MCM5: variants seen among roughly 807,000 people sequenced by gnomAD.
The protein encoded by MCM5 is DNA replication licensing factor MCM5.
A neutral mutation model predicts 79.9 loss-of-function variants in MCM5; 46 were observed. That is an observed-to-expected ratio of 0.58 (90% CI 0.45 to 0.74). The LOEUF (loss-of-function observed/expected upper bound fraction) is 0.74. MCM5 is among the 30% of genes least tolerant of loss of function. The pLI is 0.00. For missense variants in MCM5, 883 were observed against 1,017.0 expected (o/e 0.87, Z 1.79); for synonymous variants, 404 against 390.5 (o/e 1.03, Z -0.41).
Position 35,416,798 on chromosome 22 carries a change from A to G in MCM5, c.1574A>G (p.Asn525Ser), listed in dbSNP as rs1483276194. The change falls in exon 12 of 17, where the codon AAT (asparagine) becomes AGT (serine). Residue 525 changes from asparagine (N) to serine (S), a missense_variant. By Grantham distance (46) the Asn-to-Ser change is conservative. Transcript: ENST00000216122. ...DMIFIVKDEH[N>S]EERDVMLAKH... The stretch of plus-strand genomic sequence containing the variant: ...ATCTTCATCGTCAAGGATGAGCACA[A>G]TGAGGAGAGGGATGTGGTACGTCCA... The G allele has an allele frequency of 1.9e-6, 3 of 1,613,884 alleles. No homozygotes were observed. The highest frequency in any genetic ancestry group is 1.1e-5 in the South Asian group (1 of 91,068).
chr22:35,412,106 C>T (rs1016295576), intron 7 of MCM5, among the ~76,000 whole-genome samples: 1 of 152,236 alleles, frequency 6.6e-6, no homozygotes, highest in African/African-American at 2.4e-5. Flanking sequence ...TCAGCCCTCC[C>T]TGGATCACCG....
At position 35,401,348 on chromosome 22, in the gene MCM5, G is replaced by A. The variant is rs199736017; in HGVS notation, c.167+743G>A. The A allele has an allele frequency of 1.6e-3, 747 of 467,144 alleles. 1 individual carries two copies. The highest frequency in any genetic ancestry group is 2.8e-3 in the Non-Finnish European group (635 of 223,816). The allele number at this position is 467,144 out of a possible 1,614,324, so 28.9% of individuals were successfully genotyped here. A position where few individuals can be genotyped will look rare whatever the true frequency, so the allele number is the denominator to read the frequency against. Reference sequence around the variant, plus strand: ...TGGCAGTTAGGATTCACTTCACTTCGCTCATTCATTTATTTATACCAGTCT... The same window carrying A: ...TGGCAGTTAGGATTCACTTCACTTCACTCATTCATTTATTTATACCAGTCT... On this transcript the variant is annotated intron_variant, in intron 2 of 16. Coordinates refer to ENST00000216122, the MANE Select transcript of MCM5 (RefSeq NM_006739.4).
At chr22:35,451,623 T>G in the MCM5 span, among the ~76,000 whole-genome samples, 3,848 of 152,286 alleles carry the variant, frequency 0.025, 113 homozygotes, top group East Asian at 0.1. Context: ...ACCCAGGGGT[T>G]GGGTTTCTCT....
intron 10 of MCM5, 107 bp downstream of exon 10, chr22:35,416,079 C>T (rs1263972376): frequency 7.2e-7 from 1 of 1,396,208 alleles, no homozygotes; most frequent in East Asian, 2.3e-5. Flanking sequence ...GACATGTTTT[C>T]AATCCCTGGG....
chr22:35,410,707 C>T lies in MCM5; in HGVS notation c.753-37C>T, dbSNP rs140788801. On this transcript the variant is annotated intron_variant, in intron 6 of 16. Coordinates refer to ENST00000216122, the MANE Select transcript of MCM5 (RefSeq NM_006739.4). Reference sequence around the variant, plus strand: ...AGAGACTTGCTGTCCAAGTCAGAATCTCAGCTTTTCTCCTTTCTCCTCTAC... The same window carrying T: ...AGAGACTTGCTGTCCAAGTCAGAATTTCAGCTTTTCTCCTTTCTCCTCTAC... The T allele has an allele frequency of 6.2e-4, 996 of 1,601,560 alleles. 12 individuals are homozygous for T. The African/African-American group carries it at 0.012, about 19-fold the overall frequency.
the MCM5 span, among the ~76,000 whole-genome samples, chr22:35,448,829 A>G: frequency 6.6e-6 from 1 of 152,222 alleles, no homozygotes; most frequent in Admixed American, 6.5e-5. Flanking sequence ...GCTTAGCTCC[A>G]GGGCTGCTTC....
chr22:35,400,361 C>T, intron 1 of MCM5, 70 bp from the exon 2 acceptor site: 1 of 1,574,410 alleles, frequency 6.4e-7, no homozygotes, highest in Non-Finnish European at 8.7e-7. Flanking sequence ...GGGCAGGGAC[C>T]CAGGCGTCGG....
the MCM5 span, among the ~76,000 whole-genome samples, chr22:35,435,516 C>T: frequency 6.6e-6 from 1 of 152,208 alleles, no homozygotes; most frequent in Non-Finnish European, 1.5e-5. Context: ...AACAACTCCC[C>T]CGTTGCTATG....
the MCM5 span, among the ~76,000 whole-genome samples, chr22:35,446,950 C>T: frequency 8.5e-5 from 13 of 152,224 alleles, no homozygotes; most frequent in African/African-American, 2.4e-4. Context: ...GAGCCAAGCC[C>T]TCCGGGGGCC....
intron 4 of MCM5, among the ~76,000 whole-genome samples, chr22:35,405,183 G>A (rs1601752265): frequency 1.3e-5 from 2 of 151,546 alleles, no homozygotes; most frequent in African/African-American, 4.9e-5. Context: ...ACACCACCAC[G>A]CCCGGCTAAT....
the MCM5 span, among the ~76,000 whole-genome samples, chr22:35,451,418 T>C: frequency 2.0e-5 from 3 of 152,374 alleles, no homozygotes; most frequent in South Asian, 6.2e-4. Context: ...CAACGCAAGC[T>C]GCGCGTTCAT....
At position 35,403,244 on chromosome 22, in the gene MCM5, T is replaced by A. The variant is rs774927495; in HGVS notation, c.205T>A (p.Trp69Arg). The change falls in exon 3 of 17, where the codon TGG becomes AGG. Residue 69 changes from tryptophan (W) to arginine (R), a missense_variant. Around this residue, in one of 3 missense-constraint regions of MCM5, gnomAD observed 455 missense variants for 517.5 expected, o/e 0.88. Coordinates refer to ENST00000216122, the MANE Select transcript of MCM5 (RefSeq NM_006739.4). ...GCGGCATTACAACCTGGGGGAGTACTGGATTGAGGTGGAGATGGAGGATCT... is the reference window on the plus strand; with the variant it reads ...GCGGCATTACAACCTGGGGGAGTACAGGATTGAGGTGGAGATGGAGGATCT... ...LKRHYNLGEY[W>R]IEVEMEDLAS... 6.2e-7 allele frequency: 1 copy of A among 1,614,096 alleles called. No homozygotes were observed. Among genetic ancestry groups the A allele is most frequent in the Non-Finnish European group, 8.5e-7 (1 of 1,180,020 alleles).
At chr22:35,445,589 A>C in the MCM5 span, among the ~76,000 whole-genome samples, 1 of 151,384 alleles carries the variant, frequency 6.6e-6, no homozygotes, top group African/African-American at 2.4e-5. Flanking sequence ...AGCTCACTGC[A>C]AGCTCTGCCT....
chr22:35,416,374 C>T lies in MCM5; in HGVS notation c.1383C>T (p.Ala461=). 6.2e-6 allele frequency: 10 copies of T among 1,613,264 alleles called. No homozygotes were observed. The African/African-American group carries it at 6.7e-5, about 11-fold the overall frequency. Reference sequence around the variant, plus strand: ...ATGACCGTGTGGCAATCCACGAAGCCATGGAGCAGCAGACCATCTCTATCG... The same window carrying T: ...ATGACCGTGTGGCAATCCACGAAGCTATGGAGCAGCAGACCATCTCTATCG... ...REDDRVAIHE[A]MEQQTISIAK... The change falls in exon 11 of 17, where the codon GCC becomes GCT. Residue 461 remains alanine (A), a synonymous_variant. Coordinates refer to ENST00000216122, the MANE Select transcript of MCM5 (RefSeq NM_006739.4).
At chr22:35,415,345 C>A (rs1018704867) in intron 9 of MCM5, among the ~76,000 whole-genome samples, 8 of 152,204 alleles carry the variant, frequency 5.3e-5, no homozygotes, top group African/African-American at 1.9e-4. Context: ...TCTTTGAAAT[C>A]GTGCGTATTT....
At chr22:35,423,727 T>C (rs531464942) in intron 16 of MCM5, 14 of 205,050 alleles carry the variant, frequency 6.8e-5, no homozygotes, top group African/African-American at 1.8e-4. Context: ...GTTGGCCCCA[T>C]AGAGAGAAGA....
At chr22:35,401,912 A>G (rs1932066234) in intron 2 of MCM5, 1 of 358,214 alleles carries the variant, frequency 2.8e-6, no homozygotes, top group Non-Finnish European at 5.5e-6. Flanking sequence ...CTGTCTAGGT[A>G]GGAGCAATTG....
At chr22:35,414,568 A>C (rs1398796584) in intron 9 of MCM5, among the ~76,000 whole-genome samples, 1 of 151,996 alleles carries the variant, frequency 6.6e-6, no homozygotes, top group Non-Finnish European at 1.5e-5. Flanking sequence ...GCAGTGAGCC[A>C]AGATTGTGCC....
the MCM5 span, among the ~76,000 whole-genome samples, chr22:35,438,689 A>G: frequency 6.1e-4 from 66 of 108,408 alleles, no homozygotes; most frequent in Admixed American, 1.1e-3. Flanking sequence ...CCATCCATCC[A>G]TCCACCCACC....
Sources: gnomAD v4.1 joint callset for allele counts (sites outside exome capture counted in the v4.1 genomes callset) on GRCh38, gnomAD v4.1.1 for gene constraint, gnomAD v4.1.1 regional missense constraint, MANE v1.5 for transcripts, NCBI Gene and HGNC (gene_info 2026-07-23, HGNC 2026-07-21) for gene names.